FER: variants seen among roughly 807,000 people sequenced by gnomAD.
The protein encoded by FER is FER tyrosine kinase.
FER carries 63 observed loss-of-function variants against 111.0 expected under a neutral mutation model. The observed-to-expected ratio is 0.57, with a 90% confidence interval of 0.46 to 0.70. The LOEUF (loss-of-function observed/expected upper bound fraction) is 0.70. Among genes scored for constraint, FER ranks in the 30% least tolerant of loss-of-function variants. The probability of loss-of-function intolerance (pLI) is 0.00; values close to 1 mark genes in which losing one functional copy is unlikely to be tolerated. For synonymous variants in FER, 327 were observed against 313.9 expected, an observed-to-expected ratio of 1.04 and a Z score of -0.44; for missense variants, 914 against 954.0, an observed-to-expected ratio of 0.96 and a Z score of 0.55.
At chr5:109,115,989 C>T (rs1055864866) in intron 17 of FER, among the ~76,000 whole-genome samples, 1 of 151,898 alleles carries the variant, frequency 6.6e-6, no homozygotes, top group Non-Finnish European at 1.5e-5. Context: ...AGATGTGAGA[C>T]ATACACATTC....
At chr5:108,840,549 A>C (rs1334868645) in intron 5 of FER, among the ~76,000 whole-genome samples, 1 of 151,126 alleles carries the variant, frequency 6.6e-6, no homozygotes, top group Admixed American at 6.6e-5. Flanking sequence ...TCTGGAGTCC[A>C]GTTTTCTTGT....
At chr5:109,155,409 A>G (rs1755258876) in intron 17 of FER, among the ~76,000 whole-genome samples, 1 of 151,996 alleles carries the variant, frequency 6.6e-6, no homozygotes, top group Non-Finnish European at 1.5e-5. Flanking sequence ...AAAAGATGTG[A>G]TCATTTTAAC....
At position 108,768,238 on chromosome 5, in the gene FER, G is replaced by C. The variant is rs1752532354; in HGVS notation, c.-60G>C. 1 of 152,108 alleles carries C rather than the reference G, an allele frequency of 6.6e-6. No homozygotes were observed. The highest frequency in any genetic ancestry group is 2.1e-4 in the South Asian group (1 of 4,828). The allele number at this position is 152,108 out of a possible 1,614,324, so 9.4% of individuals were successfully genotyped here. A position where few individuals can be genotyped will look rare whatever the true frequency, so the allele number is the denominator to read the frequency against. ...CATGACCAGCAATGAACAGTAGTAA[G>C]GTAGGATTACTTTATTCTTCTTAGT... On this transcript the variant is annotated splice_region_variant and 5_prime_UTR_variant, in exon 2 of 20. Transcript: ENST00000281092.
chr5:108,764,489 C>T (rs1349870495), intron 1 of FER, among the ~76,000 whole-genome samples: 1 of 152,136 alleles, frequency 6.6e-6, no homozygotes, highest in Non-Finnish European at 1.5e-5. Flanking sequence ...CCTCTACCTC[C>T]CGTGTTCAAG....
At chr5:108,828,392 C>G (rs1198700765) in intron 3 of FER, among the ~76,000 whole-genome samples, 2 of 152,140 alleles carry the variant, frequency 1.3e-5, no homozygotes, top group African/African-American at 4.8e-5. Context: ...TATCTTCTGA[C>G]TCTTCTATTT....
intron 3 of FER, among the ~76,000 whole-genome samples, chr5:108,826,142 G>A (rs889447787): frequency 3.3e-5 from 5 of 152,144 alleles, no homozygotes; most frequent in Non-Finnish European, 4.4e-5. Context: ...ATGAAAGGAT[G>A]TTGAATTTTG....
intron 3 of FER, chr5:108,819,685 C>A: frequency 1.8e-6 from 1 of 547,692 alleles, no homozygotes; most frequent in Non-Finnish European, 2.3e-6. Flanking sequence ...TAATAGGAGT[C>A]AGGTTGGAAA....
intron 17 of FER, among the ~76,000 whole-genome samples, chr5:109,175,170 A>T (rs1757541915): frequency 6.6e-6 from 1 of 152,240 alleles, no homozygotes; most frequent in African/African-American, 2.4e-5. Context: ...GAAAAGAGGC[A>T]GATTCCCCGA....
In FER at chr5:109,190,492, T is replaced by G. The variant is rs1253057469; in HGVS notation, c.*2917T>G. The G allele has an allele frequency of 1.3e-5, 2 of 152,174 alleles. No individual in the cohort carries two copies. The highest frequency in any genetic ancestry group is 2.9e-5 in the Non-Finnish European group (2 of 68,022). The allele number at this position is 152,174 out of a possible 1,614,324, so 9.4% of individuals were successfully genotyped here. A position where few individuals can be genotyped will look rare whatever the true frequency, so the allele number is the denominator to read the frequency against. On this transcript the variant is annotated 3_prime_UTR_variant, in exon 20 of 20. Coordinates refer to ENST00000281092, the MANE Select transcript of FER (RefSeq NM_005246.4). ...GGGGCCTTTATGAGACAGTTTAGGT[T>G]GTTCATCATTTCACAAGGAAAGAAA... is the stretch of plus-strand genomic sequence containing the variant.
At chr5:109,060,981 C>T (rs1456741621) in intron 16 of FER, among the ~76,000 whole-genome samples, 1 of 152,106 alleles carries the variant, frequency 6.6e-6, no homozygotes, top group Non-Finnish European at 1.5e-5. Context: ...CCTGCTCCTG[C>T]CCCTGCTTCT....
chr5:108,839,181 T>C (rs935750633), intron 5 of FER, among the ~76,000 whole-genome samples: 1 of 152,170 alleles, frequency 6.6e-6, no homozygotes, highest in Non-Finnish European at 1.5e-5. Flanking sequence ...TCACCTTTAC[T>C]AGATTTAATA....
chr5:108,993,550 T>TGGGGAGAGGGAGACC (rs1763554844), intron 13 of FER, among the ~76,000 whole-genome samples: 2 of 138,304 alleles, frequency 1.4e-5, no homozygotes, highest in African/African-American at 5.9e-5. Flanking sequence ...AGAGGGAGAC[T>TGGGGAGAGGGAGACC]GTGGGGAGAG....
chr5:108,905,976 G>C (rs1035142273), intron 10 of FER, among the ~76,000 whole-genome samples: 3 of 152,170 alleles, frequency 2.0e-5, no homozygotes, highest in African/African-American at 7.2e-5. Context: ...GGTTGTGATA[G>C]AATCTTTGCT....
intron 13 of FER, among the ~76,000 whole-genome samples, chr5:109,021,713 C>G (rs2149832199): frequency 6.6e-6 from 1 of 152,030 alleles, no homozygotes; most frequent in African/African-American, 2.4e-5. Flanking sequence ...TGTATGTCTT[C>G]TATGAATAAG....
At chr5:108,983,886 G>C (rs1762276569) in intron 13 of FER, among the ~76,000 whole-genome samples, 1 of 152,036 alleles carries the variant, frequency 6.6e-6, no homozygotes, top group Non-Finnish European at 1.5e-5. Context: ...CGGTATACTT[G>C]TGCTCACGCT....
chr5:109,038,667 G>A (rs552855704), intron 14 of FER, among the ~76,000 whole-genome samples: 1 of 151,748 alleles, frequency 6.6e-6, no homozygotes, highest in African/African-American at 2.4e-5. Context: ...TCATCCTTAA[G>A]GAAATATTTC....
intron 9 of FER, among the ~76,000 whole-genome samples, chr5:108,895,661 G>T (rs1748978115): frequency 6.6e-6 from 1 of 152,052 alleles, no homozygotes; most frequent in South Asian, 2.1e-4. Context: ...AGGATAATCG[G>T]ACATCTCAAC....
chr5:109,052,440 A>G lies in FER; in HGVS notation c.1924+5242A>G, dbSNP rs2228968. 1.9e-4 allele frequency: 267 copies of G among 1,387,398 alleles called. 1 individual carries two copies. In the African/African-American group the frequency reaches 3.2e-3, roughly 17 times the overall value. The allele number at this position is 1,387,398 out of a possible 1,614,324, so 85.9% of individuals were successfully genotyped here. A position where few individuals can be genotyped will look rare whatever the true frequency, so the allele number is the denominator to read the frequency against. ...GAACCTTGTCAAGGAGTTTGCCTAA[A>G]GTGCTCCAGTCACGCATGTTGCCTG... On this transcript the variant is annotated intron_variant, in intron 16 of 19. Transcript: ENST00000281092.
chr5:108,967,829 A>G (rs147301379), intron 13 of FER, among the ~76,000 whole-genome samples: 1 of 149,806 alleles, frequency 6.7e-6, no homozygotes, highest in African/African-American at 2.5e-5. Context: ...AAAGGTGGGG[A>G]AAGTGTGCCA....
Sources: allele counts gnomAD v4.1 joint callset (sites outside exome capture counted in the v4.1 genomes callset), GRCh38; gene constraint gnomAD v4.1.1; transcripts MANE v1.5; gene names NCBI Gene and HGNC (gene_info 2026-07-23, HGNC 2026-07-21).